The following ZFHX3 variants were observed in gnomAD, a reference collection of about 807,000 sequenced individuals.
ZFHX3 encodes the protein zinc finger homeobox 3, also known as zinc finger homeobox protein 3.
ZFHX3 carries 42 observed loss-of-function variants against 279.1 expected under a neutral mutation model. The ratio of observed to expected loss-of-function variants is 0.15; its 90% CI spans 0.12 to 0.19. ZFHX3 has a LOEUF of 0.19. ZFHX3 is among the 10% of genes least tolerant of loss of function. The probability of loss-of-function intolerance (pLI) is 1.00; values close to 1 mark genes in which losing one functional copy is unlikely to be tolerated. For missense variants in ZFHX3, 4,981 were observed against 4,754.0 expected, an observed-to-expected ratio of 1.05 and a Z score of -1.40; for synonymous variants, 2,293 against 1,957.8, an observed-to-expected ratio of 1.17 and a Z score of -4.52.
intron 3 of ZFHX3, among the ~76,000 whole-genome samples, chr16:72,902,089 T>C (rs1306441017): frequency 6.6e-6 from 1 of 152,212 alleles, no homozygotes; most frequent in African/African-American, 2.4e-5. Flanking sequence ...ACTGAAGTGC[T>C]GGAATGTAAA....
chr16:73,526,265 C>T (rs991607823), intron 2 of ZFHX3, among the ~76,000 whole-genome samples: 1 of 152,246 alleles, frequency 6.6e-6, no homozygotes, highest in African/African-American at 2.4e-5. Context: ...TTACCCAAGG[C>T]TAGAAGGGTC....
intron 2 of ZFHX3, among the ~76,000 whole-genome samples, chr16:73,467,677 T>G (rs2018596284): frequency 6.6e-6 from 1 of 152,208 alleles, no homozygotes; most frequent in Non-Finnish European, 1.5e-5. Context: ...TTGTTTTAAC[T>G]TCTCTATATG....
At chr16:73,799,761 T>C (rs1960090702) in intron 1 of ZFHX3, among the ~76,000 whole-genome samples, 1 of 152,190 alleles carries the variant, frequency 6.6e-6, no homozygotes, top group African/African-American at 2.4e-5. Context: ...TGAAATTGCT[T>C]CCAGCTAAGC....
chr16:73,105,492 C>CCAG (rs1567389970), intron 7 of ZFHX3, among the ~76,000 whole-genome samples: 2 of 146,240 alleles, frequency 1.4e-5, no homozygotes, highest in Non-Finnish European at 3.0e-5. Flanking sequence ...TGGCTCACAC[C>CCAG]TGTAATCCCA....
chr16:73,700,360 G>C (rs2053235711), intron 1 of ZFHX3, among the ~76,000 whole-genome samples: 1 of 151,828 alleles, frequency 6.6e-6, no homozygotes, highest in South Asian at 2.1e-4. Context: ...TAAGTAATCA[G>C]AGACTTACAA....
intron 2 of ZFHX3, among the ~76,000 whole-genome samples, chr16:73,597,970 T>A (rs1398162201): frequency 6.6e-6 from 1 of 152,114 alleles, no homozygotes; most frequent in African/African-American, 2.4e-5. Flanking sequence ...GAGCACATAG[T>A]GACATTATTG....
chr16:73,594,784 T>C (rs1160056246), intron 2 of ZFHX3, among the ~76,000 whole-genome samples: 3 of 152,372 alleles, frequency 2.0e-5, no homozygotes, highest in South Asian at 2.1e-4. Flanking sequence ...ATGTCCATGA[T>C]AGTTTCTCTT....
At chr16:73,509,268 G>C (rs1329691039) in intron 2 of ZFHX3, among the ~76,000 whole-genome samples, 1 of 152,066 alleles carries the variant, frequency 6.6e-6, no homozygotes, top group Non-Finnish European at 1.5e-5. Context: ...AGATCCCTCT[G>C]TTTTGAAAAT....
chr16:73,777,411 G>A (rs1959292545), intron 1 of ZFHX3, among the ~76,000 whole-genome samples: 3 of 145,960 alleles, frequency 2.1e-5, no homozygotes, highest in Admixed American at 1.5e-4. Flanking sequence ...GCTGAGGCAG[G>A]AGAAGCACTT....
At chr16:73,344,293 A>G (rs2016086856) in intron 3 of ZFHX3, among the ~76,000 whole-genome samples, 1 of 152,202 alleles carries the variant, frequency 6.6e-6, no homozygotes, top group South Asian at 2.1e-4. Flanking sequence ...AATCATAAGG[A>G]AACATCAGAC....
Position 72,794,379 on chromosome 16 carries a change from G to C in ZFHX3, c.8303C>G (p.Thr2768Ser), listed in dbSNP as rs1326695674. 5 of 1,604,404 alleles carry C rather than the reference G, an allele frequency of 3.1e-6. No individual in the cohort carries two copies. The East Asian group carries it at 8.9e-5, about 29-fold the overall frequency. The change falls in exon 9 of 10, where the codon ACT becomes AGT. Residue 2768 changes from threonine (T) to serine (S), a missense_variant. Transcript: ENST00000268489. This position sits in a 1 kb window ranked among gnomAD's most constrained non-coding sequence, Gnocchi z 4.2. ...GCTTGGGGGTAGGTGGGAAAAGCTA[G>C]TTCCGTCAAAAATATCTCCTTTCAT... ...LQMKGDIFDGTSFSHLPPSSS... is the reference protein window; with the variant it reads ...LQMKGDIFDGSSFSHLPPSSS...
chr16:73,548,983 T>G (rs554861369), intron 2 of ZFHX3, among the ~76,000 whole-genome samples: 2 of 152,340 alleles, frequency 1.3e-5, no homozygotes, highest in African/African-American at 4.8e-5. Flanking sequence ...CATTTGTTTT[T>G]GTTTTTCTTT....
At chr16:73,397,993 G>A (rs534585082) in intron 3 of ZFHX3, among the ~76,000 whole-genome samples, 3 of 152,092 alleles carry the variant, frequency 2.0e-5, no homozygotes, top group East Asian at 1.9e-4. Context: ...TACAGGTGTC[G>A]GCCACCATGC....
At chr16:72,857,065 T>C (rs1471080818) in intron 4 of ZFHX3, among the ~76,000 whole-genome samples, 1 of 152,194 alleles carries the variant, frequency 6.6e-6, no homozygotes, top group Admixed American at 6.5e-5. Context: ...TTCCCCTGCC[T>C]TCCCACCTGC....
At chr16:73,007,223 T>C (rs888431420) in intron 1 of ZFHX3, among the ~76,000 whole-genome samples, 1 of 152,244 alleles carries the variant, frequency 6.6e-6, no homozygotes, top group Admixed American at 6.5e-5. Flanking sequence ...CATTTTTGCA[T>C]CTCCACTCAT....
intron 5 of ZFHX3, among the ~76,000 whole-genome samples, chr16:73,161,910 G>A (rs567161905): frequency 6.6e-6 from 1 of 152,322 alleles, no homozygotes. Context: ...GAAGAGGGGT[G>A]TGTCTCTAAG....
intron 3 of ZFHX3, among the ~76,000 whole-genome samples, chr16:73,398,626 T>C (rs2017179983): frequency 6.6e-6 from 1 of 152,232 alleles, no homozygotes; most frequent in African/African-American, 2.4e-5. Context: ...TTTGAGAGCC[T>C]ATCTGTAAGC....
chr16:72,800,585 A>G (rs147630650), intron 7 of ZFHX3, among the ~76,000 whole-genome samples: 1 of 152,318 alleles, frequency 6.6e-6, no homozygotes, highest in East Asian at 1.9e-4. Flanking sequence ...GAACGTATTC[A>G]GGCAAGAGGA....
intron 1 of ZFHX3, among the ~76,000 whole-genome samples, chr16:72,991,856 G>T (rs1026226024): frequency 6.6e-6 from 1 of 152,084 alleles, no homozygotes; most frequent in Non-Finnish European, 1.5e-5. Context: ...GTACATTCTG[G>T]TCATTAGCCA....
Sources: allele counts gnomAD v4.1 joint callset (sites outside exome capture counted in the v4.1 genomes callset), GRCh38; gene constraint gnomAD v4.1.1; non-coding constraint Gnocchi (gnomAD v3.1); transcripts MANE v1.5; gene names NCBI Gene and HGNC (gene_info 2026-07-23, HGNC 2026-07-21).